Variants in XPO4 observed in about 807,000 individuals in gnomAD.
The protein encoded by XPO4 is exportin 4.
Under a neutral mutation model 143.0 loss-of-function variants are expected in XPO4, and 39 were observed. The ratio of observed to expected loss-of-function variants is 0.27; its 90% CI spans 0.21 to 0.36. XPO4 has a LOEUF of 0.36. Among genes scored for constraint, XPO4 ranks in the 10% least tolerant of loss-of-function variants. The pLI, the probability that XPO4 is intolerant of heterozygous loss-of-function variation, is 1.00. For synonymous variants in XPO4, 439 were observed against 474.0 expected (o/e 0.93, Z 0.96); for missense variants, 907 against 1,348.0 (o/e 0.67, Z 5.12).
At chr13:20,897,215 T>G (rs1318446588) in intron 1 of XPO4, among the ~76,000 whole-genome samples, 6 of 152,170 alleles carry the variant, frequency 3.9e-5, no homozygotes. Context: ...AAATTTTCAT[T>G]TTTATGACGT....
At position 20,843,735 on chromosome 13, in the gene XPO4, C is replaced by A. The variant is rs550911356; in HGVS notation, c.573+35G>T. 6 of 1,423,784 alleles carry A rather than the reference C, an allele frequency of 4.2e-6. No homozygotes were observed. The East Asian group carries it at 6.9e-5, about 16-fold the overall frequency. The allele number at this position is 1,423,784 out of a possible 1,614,324, so 88.2% of individuals were successfully genotyped here. A position where few individuals can be genotyped will look rare whatever the true frequency, so the allele number is the denominator to read the frequency against. ...TAGATTGAGTAAAAAGTGAATGATCCAATAATTAAAACTCAAGAACAAAAC... is the reference window on the plus strand; with the variant it reads ...TAGATTGAGTAAAAAGTGAATGATCAAATAATTAAAACTCAAGAACAAAAC... On this transcript the variant is annotated intron_variant, in intron 5 of 22. Coordinates refer to ENST00000255305, the MANE Select transcript of XPO4 (RefSeq NM_022459.5).
chr13:20,857,191 A>G (rs1434103971), intron 3 of XPO4, among the ~76,000 whole-genome samples: 1 of 152,232 alleles, frequency 6.6e-6, no homozygotes, highest in Non-Finnish European at 1.5e-5. Context: ...GGGGGACAGA[A>G]TAGTTTCATA....
At chr13:20,839,414 T>C (rs1426956556) in intron 6 of XPO4, among the ~76,000 whole-genome samples, 1 of 152,136 alleles carries the variant, frequency 6.6e-6, no homozygotes, top group South Asian at 2.1e-4. Context: ...GGGCTTGTGT[T>C]TGGGATGATG....
chr13:20,852,559 TG>T (rs1280795131), intron 4 of XPO4: 1 of 984,126 alleles, frequency 1.0e-6, no homozygotes, highest in Non-Finnish European at 1.2e-6. Flanking sequence ...CAGCATCTCA[TG>T]AACAAATCTT....
chr13:20,888,910 C>T lies in XPO4; in HGVS notation c.69+13760G>A, dbSNP rs531364489. On this transcript the variant is annotated intron_variant, in intron 1 of 22. Coordinates refer to ENST00000255305, the MANE Select transcript of XPO4 (RefSeq NM_022459.5). ...CTCCACCTCCCGGGTTCAAGTGATT[C>T]TCCTGCCTCAGCCTCCCAAGTACCT... Among the ~76,000 whole-genome samples, 60 of 151,894 alleles carry T rather than the reference C, an allele frequency of 4.0e-4. No homozygotes were observed. In the South Asian group the frequency reaches 0.012, roughly 31 times the overall value.
intron 6 of XPO4, among the ~76,000 whole-genome samples, chr13:20,829,350 T>C (rs1292585929): frequency 6.6e-6 from 1 of 152,232 alleles, no homozygotes; most frequent in Non-Finnish European, 1.5e-5. Flanking sequence ...ATCTAACAAA[T>C]GAAATATAAC....
At chr13:20,840,284 T>C (rs1224856275) in intron 6 of XPO4, among the ~76,000 whole-genome samples, 3 of 152,130 alleles carry the variant, frequency 2.0e-5, no homozygotes, top group Admixed American at 2.0e-4. Flanking sequence ...CATGGCTCAC[T>C]GTAGCTTCAA....
In XPO4 at chr13:20,868,391, G is replaced by T. The variant is rs80072430; in HGVS notation, c.175+205C>A. The T allele has an allele frequency of 5.2e-5, 41 of 793,546 alleles. No homozygotes were observed. In the East Asian group the frequency reaches 1.4e-3, roughly 28 times the overall value. 49.2% of individuals were successfully genotyped at this position (793,546 alleles called of 1,614,324 possible). A position where few individuals can be genotyped will look rare whatever the true frequency, so the allele number is the denominator to read the frequency against. On this transcript the variant is annotated intron_variant, in intron 2 of 22. Transcript: ENST00000255305. ...AATTATGAACACTATATCTAGGGGG[G>T]AAAAATCCAAAGTAAAAACAAAGTT... is the stretch of plus-strand genomic sequence containing the variant.
At chr13:20,794,234 T>C (rs974558513) in intron 18 of XPO4, among the ~76,000 whole-genome samples, 6 of 152,148 alleles carry the variant, frequency 3.9e-5, no homozygotes, top group Non-Finnish European at 8.8e-5. Context: ...AAGACAAATC[T>C]GGTAGTATGT....
chr13:20,866,033 C>A, intron 2 of XPO4: 2 of 985,156 alleles, frequency 2.0e-6, no homozygotes, highest in East Asian at 2.3e-4. Context: ...TAAAAGAATG[C>A]CACAAAGTTA....
chr13:20,852,321 T>C, intron 4 of XPO4: 1 of 985,436 alleles, frequency 1.0e-6, no homozygotes, highest in East Asian at 1.1e-4. Flanking sequence ...TGCAACTTGA[T>C]TCAGGGCATT....
At chr13:20,820,673 T>C (rs1173088683) in intron 9 of XPO4, among the ~76,000 whole-genome samples, 1 of 152,240 alleles carries the variant, frequency 6.6e-6, no homozygotes, top group Non-Finnish European at 1.5e-5. Context: ...AACTTCTATT[T>C]TTCTGTTACT....
At chr13:20,862,925 T>G in intron 2 of XPO4, 67 bp from the exon 3 acceptor site, 2 of 1,592,268 alleles carry the variant, frequency 1.3e-6, no homozygotes, top group East Asian at 2.2e-5. Flanking sequence ...TTGCATTTAT[T>G]AATTTTAAAA....
At position 20,783,357 on chromosome 13, in the gene XPO4, T is replaced by C. The variant is rs1043335170; in HGVS notation, c.*365A>G. 1.4e-4 allele frequency: 35 copies of C among 256,270 alleles called. No individual in the cohort carries two copies. Among genetic ancestry groups the C allele is most frequent in the Non-Finnish European group, 2.6e-4 (34 of 132,592 alleles). The allele number at this position is 256,270 out of a possible 1,614,324, so 15.9% of individuals were successfully genotyped here. On this transcript the variant is annotated 3_prime_UTR_variant, in exon 23 of 23. Transcript: ENST00000255305. ...CTGCCTAGCATATATCCATTTCATA[T>C]TTAATGACAAAAATTCTAAACTTTG...
intron 1 of XPO4, among the ~76,000 whole-genome samples, chr13:20,870,530 C>T (rs2060285814): frequency 6.6e-6 from 1 of 150,900 alleles, no homozygotes; most frequent in Non-Finnish European, 1.5e-5. Flanking sequence ...GCGGGTAGAT[C>T]ACCTGCCTGG....
Position 20,867,127 on chromosome 13 carries a change from A to C in XPO4, c.175+1469T>G, listed in dbSNP as rs557996649. ...TTTTGCTTCCTTTAACATTGAGTTA[A>C]ATATCCTCCACAGGTATATGTTAAA... On this transcript the variant is annotated intron_variant, in intron 2 of 22. Transcript: ENST00000255305. Among the ~76,000 whole-genome samples the C allele has an allele frequency of 5.3e-5, 8 of 152,372 alleles. No homozygotes were observed. The East Asian group carries it at 1.3e-3, about 26-fold the overall frequency.
intron 1 of XPO4, among the ~76,000 whole-genome samples, chr13:20,881,562 A>G (rs2060410342): frequency 6.6e-6 from 1 of 152,020 alleles, no homozygotes; most frequent in Non-Finnish European, 1.5e-5. Context: ...GAGCCACCAC[A>G]TCCAGCCAAT....
intron 3 of XPO4, among the ~76,000 whole-genome samples, chr13:20,858,256 T>C (rs1043918612): frequency 1.3e-5 from 2 of 151,904 alleles, no homozygotes; most frequent in African/African-American, 4.8e-5. Flanking sequence ...GGAAAAAGGA[T>C]GTAAATATTA....
chr13:20,885,192 C>A (rs1403946006), intron 1 of XPO4, among the ~76,000 whole-genome samples: 1 of 152,140 alleles, frequency 6.6e-6, no homozygotes, highest in Non-Finnish European at 1.5e-5. Flanking sequence ...TCAGGTGATC[C>A]GCCTGCCTTG....
Sources: gnomAD v4.1 joint callset for allele counts (sites outside exome capture counted in the v4.1 genomes callset) on GRCh38, gnomAD v4.1.1 for gene constraint, MANE v1.5 for transcripts, NCBI Gene and HGNC (gene_info 2026-07-23, HGNC 2026-07-21) for gene names.